The following MLLT10 variants were observed in gnomAD, a reference collection of about 807,000 sequenced individuals.
MLLT10 encodes MLLT10 histone lysine methyltransferase DOT1L cofactor.
MLLT10 carries 30 observed loss-of-function variants against 129.1 expected under a neutral mutation model. That is an observed-to-expected ratio of 0.23 (90% CI 0.17 to 0.32). The LOEUF is 0.32. Among genes scored for constraint, MLLT10 ranks in the 10% least tolerant of loss-of-function variants. MLLT10 has a pLI of 1.00. For synonymous variants in MLLT10, 490 were observed against 446.4 expected (o/e 1.10, Z -1.23); for missense variants, 1,119 against 1,268.3 (o/e 0.88, Z 1.79).
Position 21,554,964 on chromosome 10 carries a change from G to A in MLLT10, c.240+16052G>A, listed in dbSNP as rs1003852545. ...AGCCTCCCGAGTACCTGGGATGACA[G>A]GCGCACGCCACCATGCCCAGCTAAT... On this transcript the variant is annotated intron_variant, in intron 3 of 22. Transcript: ENST00000307729. Among the ~76,000 whole-genome samples the A allele has an allele frequency of 2.0e-5, 3 of 151,784 alleles. No homozygotes were observed. In the East Asian group the frequency reaches 5.9e-4, roughly 30 times the overall value.
intron 13 of MLLT10, among the ~76,000 whole-genome samples, chr10:21,710,871 G>A (rs774100109): frequency 1.3e-5 from 2 of 152,252 alleles, no homozygotes; most frequent in African/African-American, 4.8e-5. Context: ...AGTTACTTCC[G>A]TACAGTAACC....
intron 9 of MLLT10, among the ~76,000 whole-genome samples, chr10:21,660,354 C>A (rs1404610357): frequency 2.6e-5 from 4 of 151,322 alleles, no homozygotes. Context: ...CGGTGGCTCA[C>A]GCCTGTATCC....
At position 21,727,927 on chromosome 10, in the gene MLLT10, C is replaced by A. The variant is rs138169869; in HGVS notation, c.2062C>A (p.Arg688=). ...CTCACCCCGAGGAAGTCTCTCGCCA[C>A]GGTAAGCGCTATTTACACTGCAAAG... ...GSSPRGSLSP[R]SPVSSLQIRY... Residue 688 remains arginine (R), a splice_region_variant and synonymous_variant, in exon 16 of 23, where the codon CGA becomes AGA. Coordinates refer to ENST00000307729, the MANE Select transcript of MLLT10 (RefSeq NM_001195626.3). 32 of 1,613,526 alleles carry A rather than the reference C, an allele frequency of 2.0e-5. No individual in the cohort carries two copies. The highest frequency in any genetic ancestry group is 3.3e-5 in the Admixed American group (2 of 59,974).
intron 22 of MLLT10, 34 bp from the exon 23 acceptor site, chr10:21,741,905 T>C (rs1482848238): frequency 3.8e-6 from 6 of 1,597,538 alleles, no homozygotes; most frequent in South Asian, 1.1e-5. Flanking sequence ...AAAGTTGATT[T>C]AGCTAACGCA....
intron 3 of MLLT10, among the ~76,000 whole-genome samples, chr10:21,549,973 C>T (rs995296014): frequency 1.2e-4 from 18 of 152,276 alleles, no homozygotes; most frequent in African/African-American, 4.1e-4. Flanking sequence ...GTCCTTGAGG[C>T]TCCACTCAAC....
At chr10:21,703,289 T>TC (rs1485670674) in intron 13 of MLLT10, among the ~76,000 whole-genome samples, 1 of 149,914 alleles carries the variant, frequency 6.7e-6, no homozygotes. Flanking sequence ...GGCTGAAAGT[T>TC]TTTTTTTTTT....
intron 13 of MLLT10, among the ~76,000 whole-genome samples, chr10:21,693,587 T>C (rs2054087622): frequency 6.6e-6 from 1 of 152,196 alleles, no homozygotes; most frequent in Non-Finnish European, 1.5e-5. Context: ...ATTTTTGTGA[T>C]ATGTCTATGT....
intron 13 of MLLT10, among the ~76,000 whole-genome samples, chr10:21,689,822 G>A (rs1227648177): frequency 4.6e-5 from 7 of 151,580 alleles, no homozygotes; most frequent in African/African-American, 1.5e-4. Context: ...TGGGTAGCAT[G>A]TAAAAAGATG....
intron 8 of MLLT10, among the ~76,000 whole-genome samples, chr10:21,646,341 G>A (rs959434362): frequency 6.6e-6 from 1 of 152,174 alleles, no homozygotes; most frequent in Non-Finnish European, 1.5e-5. Context: ...ATGCTGCATT[G>A]ATTTCCTTGA....
intron 9 of MLLT10, among the ~76,000 whole-genome samples, chr10:21,668,198 A>G (rs1052349331): frequency 3.9e-5 from 6 of 152,168 alleles, no homozygotes; most frequent in Non-Finnish European, 8.8e-5. Flanking sequence ...TGAGATGTTC[A>G]TACTATGATA....
In MLLT10 at chr10:21,733,862, T is replaced by A; in HGVS notation, c.2591T>A (p.Val864Glu). The A allele has an allele frequency of 6.2e-7, 1 of 1,613,550 alleles. No individual in the cohort carries two copies. The highest frequency in any genetic ancestry group is 8.5e-7 in the Non-Finnish European group (1 of 1,179,882). Reference sequence around the variant, plus strand: ...AGTCCGGCTCAACAAGGCTCAGGAGTGAGTGGAGTTCAGCAGGTCAATGGC... The same window carrying A: ...AGTCCGGCTCAACAAGGCTCAGGAGAGAGTGGAGTTCAGCAGGTCAATGGC... Reference protein sequence around the residue: ...GQSPAQQGSGVSGVQQVNGVT... With the variant: ...GQSPAQQGSGESGVQQVNGVT... Residue 864 changes from valine (V) to glutamate (E), a missense_variant, in exon 20 of 23, where the codon GTG (valine) becomes GAG (glutamate). This residue lies in a region of MLLT10 where 1,004 missense variants were observed against 1,008.7 expected (regional missense o/e 1.00). Transcript: ENST00000307729.
At chr10:21,740,007 C>G in intron 21 of MLLT10, 23 bp from the exon 22 acceptor site, 2 of 1,561,270 alleles carry the variant, frequency 1.3e-6, no homozygotes, top group Non-Finnish European at 1.7e-6. Context: ...AACTCATTTT[C>G]TCTCACATGT....
At chr10:21,646,895 G>T (rs548136871) in intron 8 of MLLT10, among the ~76,000 whole-genome samples, 1 of 142,056 alleles carries the variant, frequency 7.0e-6, no homozygotes, top group Non-Finnish European at 1.5e-5. Flanking sequence ...TCGCTCTGTC[G>T]CCCAGGCTGG....
intron 10 of MLLT10, among the ~76,000 whole-genome samples, chr10:21,671,236 C>T (rs929509266): frequency 6.6e-6 from 1 of 152,120 alleles, no homozygotes; most frequent in Non-Finnish European, 1.5e-5. Flanking sequence ...AGGCTGGTCT[C>T]GAACTGCTGA....
intron 8 of MLLT10, among the ~76,000 whole-genome samples, chr10:21,648,572 A>G (rs999050450): frequency 7.2e-5 from 11 of 152,232 alleles, no homozygotes; most frequent in Non-Finnish European, 1.0e-4. Context: ...AGGAGGATAG[A>G]AAGGCTTCTT....
At chr10:21,589,964 C>G (rs148487674) in intron 4 of MLLT10, among the ~76,000 whole-genome samples, 1 of 151,920 alleles carries the variant, frequency 6.6e-6, no homozygotes, top group East Asian at 1.9e-4. Context: ...AACAGTGTAT[C>G]ACTTTGTTGC....
At chr10:21,730,792 CT>C (rs1339221244) in intron 16 of MLLT10, 107 bp from the exon 17 acceptor site, 1 of 1,130,892 alleles carries the variant, frequency 8.8e-7, no homozygotes, top group Non-Finnish European at 1.3e-6. Context: ...CATAGGCAGC[CT>C]GGTGTTATAA....
chr10:21,590,080 C>T (rs2042354747), intron 4 of MLLT10, among the ~76,000 whole-genome samples: 1 of 152,018 alleles, frequency 6.6e-6, no homozygotes, highest in African/African-American at 2.4e-5. Flanking sequence ...ACCACAGGCA[C>T]ACCATGCCTG....
intron 3 of MLLT10, among the ~76,000 whole-genome samples, chr10:21,554,916 G>C (rs2130968494): frequency 6.6e-6 from 1 of 151,870 alleles, no homozygotes; most frequent in African/African-American, 2.4e-5. Flanking sequence ...CTACCACCCG[G>C]GTTCAAGCAA....
Sources: gnomAD v4.1 joint callset for allele counts (sites outside exome capture counted in the v4.1 genomes callset) on GRCh38, gnomAD v4.1.1 for gene constraint, gnomAD v4.1.1 regional missense constraint, MANE v1.5 for transcripts, NCBI Gene and HGNC (gene_info 2026-07-23, HGNC 2026-07-21) for gene names.